Variants in FOXP1 observed in about 807,000 individuals in gnomAD.
FOXP1 encodes the protein forkhead box P1.
In FOXP1, 15 loss-of-function variants were observed where a neutral mutation model predicts 98.2. The ratio of observed to expected loss-of-function variants is 0.15; its 90% confidence interval spans 0.10 to 0.24. The LOEUF is 0.24. Ranked by LOEUF, FOXP1 falls within the 10% of genes least tolerant of loss-of-function variation. The probability of loss-of-function intolerance (pLI) is 1.00; values close to 1 mark genes in which losing one functional copy is unlikely to be tolerated. For synonymous variants in FOXP1, 371 were observed against 314.5 expected (o/e 1.18, Z -1.90); for missense variants, 633 against 848.5 (o/e 0.75, Z 3.15).
At chr3:70,985,969 C>T (rs1041258698) in intron 14 of FOXP1, among the ~76,000 whole-genome samples, 44 of 152,160 alleles carry the variant, frequency 2.9e-4, no homozygotes, top group African/African-American at 1.1e-3. Flanking sequence ...CAAAAATATT[C>T]GTGCCGATTT....
chr3:71,155,377 T>C (rs2060771074), intron 6 of FOXP1, among the ~76,000 whole-genome samples: 1 of 152,326 alleles, frequency 6.6e-6, no homozygotes, highest in African/African-American at 2.4e-5. Context: ...TGGTAAAAGA[T>C]AACAAGTAAA....
intron 3 of FOXP1, among the ~76,000 whole-genome samples, chr3:71,488,859 T>A (rs1311838849): frequency 2.0e-5 from 3 of 152,248 alleles, no homozygotes; most frequent in Non-Finnish European, 1.5e-5. Context: ...TTCATTGTGT[T>A]ATGAAAGAGA....
chr3:71,026,252 T>C (rs2107840005), intron 11 of FOXP1, among the ~76,000 whole-genome samples: 1 of 152,268 alleles, frequency 6.6e-6, no homozygotes, highest in East Asian at 1.9e-4. Context: ...AAGAAATGAC[T>C]TGATTTAAAG....
chr3:71,375,603 C>A (rs2079654036), intron 3 of FOXP1, among the ~76,000 whole-genome samples: 1 of 151,982 alleles, frequency 6.6e-6, no homozygotes, highest in Non-Finnish European at 1.5e-5. Flanking sequence ...TGGATGTATC[C>A]CCAAGTAAAG....
chr3:71,384,402 A>G (rs1322685738), intron 3 of FOXP1, among the ~76,000 whole-genome samples: 1 of 152,220 alleles, frequency 6.6e-6, no homozygotes, highest in African/African-American at 2.4e-5. Context: ...AGCAACGGAA[A>G]CAAGGAATAT....
intron 2 of FOXP1, chr3:71,571,617 C>T (rs1355349774): frequency 1.3e-5 from 2 of 152,182 alleles, no homozygotes; most frequent in Non-Finnish European, 2.9e-5. Context: ...GTCAGTTAGC[C>T]AGGCTGACAA....
At chr3:71,433,760 C>G (rs529056090) in intron 3 of FOXP1, among the ~76,000 whole-genome samples, 98 of 152,288 alleles carry the variant, frequency 6.4e-4, no homozygotes, top group Non-Finnish European at 1.1e-3. Context: ...TCCAATCCCC[C>G]ACGTGAGTTT....
Position 71,046,978 on chromosome 3 carries a change from C to T in FOXP1, c.628G>A (p.Gly210Arg), listed in dbSNP as rs777458868. 11 of 1,614,060 alleles carry T rather than the reference C, an allele frequency of 6.8e-6. No homozygotes were observed. Among genetic ancestry groups the T allele is most frequent in the Non-Finnish European group, 9.3e-6 (11 of 1,179,972 alleles). Reference sequence around the variant, plus strand: ...GGTTGAAGGGGAAGGGCAGGCTGCCCGGGCTGAATTGTCAGAAGGCCTTGG... The same window carrying T: ...GGTTGAAGGGGAAGGGCAGGCTGCCTGGGCTGAATTGTCAGAAGGCCTTGG... ...QRQGLLTIQP[G>R]QPALPLQPLA... Residue 210 changes from glycine to arginine, a missense_variant, in exon 10 of 21, where the codon GGG becomes AGG. Gly to Arg is a moderately radical substitution (Grantham distance 125). Coordinates refer to ENST00000649528, the MANE Select transcript of FOXP1 (RefSeq NM_001349338.3).
At chr3:71,535,715 C>T (rs965549597) in intron 2 of FOXP1, among the ~76,000 whole-genome samples, 7 of 152,110 alleles carry the variant, frequency 4.6e-5, no homozygotes, top group African/African-American at 1.7e-4. Flanking sequence ...CAGAGGGAGA[C>T]TCTGTCTCAA....
intron 11 of FOXP1, among the ~76,000 whole-genome samples, chr3:71,031,734 A>G (rs1022682052): frequency 6.6e-6 from 1 of 152,112 alleles, no homozygotes; most frequent in Non-Finnish European, 1.5e-5. Flanking sequence ...CTAAACAAAC[A>G]AACAAACAAA....
chr3:71,578,860 C>T (rs915824506), intron 2 of FOXP1, among the ~76,000 whole-genome samples: 2 of 152,178 alleles, frequency 1.3e-5, no homozygotes, highest in African/African-American at 4.8e-5. Context: ...AATATTAACT[C>T]AGTTAACTTT....
At chr3:71,356,611 G>C (rs1367381589) in intron 4 of FOXP1, among the ~76,000 whole-genome samples, 1 of 152,152 alleles carries the variant, frequency 6.6e-6, no homozygotes, top group Non-Finnish European at 1.5e-5. Flanking sequence ...TTCAGAGTGA[G>C]CTGGCTTCTA....
chr3:71,397,023 T>TATACACATATATATGTGTGTATATATAC (rs1553871544), intron 3 of FOXP1, among the ~76,000 whole-genome samples: 1 of 24,064 alleles, frequency 4.2e-5, no homozygotes, highest in Non-Finnish European at 1.1e-4. Flanking sequence ...TATATATATA[T>TATACACATATATATGTGTGTATATATAC]ACATATATAT....
Position 70,978,082 on chromosome 3 carries a change from C to T in FOXP1, c.1147-53G>A, listed in dbSNP as rs1215837636. 6 of 1,451,382 alleles carry T rather than the reference C, an allele frequency of 4.1e-6. No homozygotes were observed. In the African/African-American group the frequency reaches 6.9e-5, roughly 17 times the overall value. The allele number at this position is 1,451,382 out of a possible 1,614,324, so 89.9% of individuals were successfully genotyped here. A position where few individuals can be genotyped will look rare whatever the true frequency, so the allele number is the denominator to read the frequency against. ...AGACCTTCAGAAAACCAGAGCAACCCAGGAACCACATCTAGCAGGAGTAAC... is the reference window on the plus strand; with the variant it reads ...AGACCTTCAGAAAACCAGAGCAACCTAGGAACCACATCTAGCAGGAGTAAC... On this transcript the variant is annotated intron_variant, in intron 14 of 20. Transcript: ENST00000649528.
intron 7 of FOXP1, among the ~76,000 whole-genome samples, chr3:71,071,200 C>A (rs990726207): frequency 1.2e-4 from 18 of 152,166 alleles, no homozygotes; most frequent in African/African-American, 3.6e-4. Context: ...TAGTGGGGAG[C>A]GGGTGGGAGA....
chr3:71,571,344 C>T (rs1417058186), intron 2 of FOXP1: 3 of 152,094 alleles, frequency 2.0e-5, no homozygotes, highest in African/African-American at 7.2e-5. Context: ...TTTAATAGCC[C>T]CTGGTTAATG....
chr3:71,351,217 G>C (rs1560353845), intron 4 of FOXP1, among the ~76,000 whole-genome samples: 1 of 152,108 alleles, frequency 6.6e-6, no homozygotes, highest in Non-Finnish European at 1.5e-5. Flanking sequence ...TTAATGGCAT[G>C]ATCGGAACCT....
In FOXP1 at chr3:71,406,403, GTGTATA is replaced by G. The variant is rs1485547699; in HGVS notation, c.-167-47165_-167-47160del. The stretch of plus-strand genomic sequence containing the variant: ...TTTAATTGACACATAATAACTGTAT[GTGTATA>G]TATATATATATATATGGTACAGTAT... On this transcript the variant is annotated intron_variant, in intron 3 of 20. Coordinates refer to ENST00000649528, the MANE Select transcript of FOXP1 (RefSeq NM_001349338.3). Among the ~76,000 whole-genome samples the G allele has an allele frequency of 1.9e-4, 20 of 107,900 alleles. 2 individuals carry two copies. The highest frequency in any genetic ancestry group is 4.3e-4 in the African/African-American group (14 of 32,188). The allele number at this position is 107,900 out of a possible 152,430, so 70.8% of individuals were successfully genotyped here.
intron 3 of FOXP1, among the ~76,000 whole-genome samples, chr3:71,361,673 C>T (rs982383041): frequency 1.4e-4 from 22 of 152,152 alleles, no homozygotes; most frequent in African/African-American, 5.3e-4. Flanking sequence ...GACCATTCTC[C>T]AAGACAGGGC....
Sources: gnomAD v4.1 joint callset for allele counts (sites outside exome capture counted in the v4.1 genomes callset) on GRCh38, gnomAD v4.1.1 for gene constraint, MANE v1.5 for transcripts, NCBI Gene and HGNC (gene_info 2026-07-23, HGNC 2026-07-21) for gene names.